TRPC4: variants seen among roughly 807,000 people sequenced by gnomAD.
The protein encoded by TRPC4 is short transient receptor potential channel 4.
Under a neutral mutation model 99.4 loss-of-function variants are expected in TRPC4, and 49 were observed. The observed-to-expected ratio is 0.49, with a 90% confidence interval of 0.39 to 0.63. The LOEUF (loss-of-function observed/expected upper bound fraction) is 0.63, where lower values mean the gene tolerates loss of function less well. Among genes scored for constraint, TRPC4 ranks in the 20% least tolerant of loss-of-function variants. TRPC4 has a pLI of 0.00. For missense variants in TRPC4, 898 were observed against 1,152.9 expected, an observed-to-expected ratio of 0.78 and a Z score of 3.20; for synonymous variants, 454 against 425.9, an observed-to-expected ratio of 1.07 and a Z score of -0.81.
chr13:37,819,829 T>TA (rs200418516), intron 1 of TRPC4, among the ~76,000 whole-genome samples: 4,640 of 133,700 alleles, frequency 0.035, 114 homozygotes, highest in East Asian at 0.11. Flanking sequence ...AAATGAAAGT[T>TA]AAAAAAAAAA....
At chr13:37,860,173 A>G (rs1026346590) in intron 1 of TRPC4, among the ~76,000 whole-genome samples, 8 of 151,498 alleles carry the variant, frequency 5.3e-5, no homozygotes, top group Non-Finnish European at 8.9e-5. Context: ...AAAATGTTAA[A>G]CTGTTTTTAA....
At chr13:37,816,870 A>G (rs114612194) in intron 1 of TRPC4, among the ~76,000 whole-genome samples, 1,625 of 152,034 alleles carry the variant, frequency 0.011, 21 homozygotes, top group African/African-American at 0.037. Context: ...GAAGGAAAAT[A>G]CCTCGAAATT....
chr13:37,703,121 T>A (rs1954154866), intron 3 of TRPC4, among the ~76,000 whole-genome samples: 1 of 152,176 alleles, frequency 6.6e-6, no homozygotes. Flanking sequence ...GGTAGTTGTA[T>A]GTGCTAGGAC....
At chr13:37,855,973 C>A (rs755063397) in intron 1 of TRPC4, among the ~76,000 whole-genome samples, 1 of 150,772 alleles carries the variant, frequency 6.6e-6, no homozygotes, top group East Asian at 1.9e-4. Flanking sequence ...TCTTACAGAA[C>A]TAGAAAAGCA....
intron 4 of TRPC4, among the ~76,000 whole-genome samples, chr13:37,689,503 C>T (rs765992930): frequency 2.0e-5 from 3 of 152,134 alleles, no homozygotes; most frequent in East Asian, 1.9e-4. Flanking sequence ...ATCATTTGCA[C>T]GCATTTTTTA....
At chr13:37,727,477 A>G (rs1255985890) in intron 3 of TRPC4, among the ~76,000 whole-genome samples, 2 of 152,032 alleles carry the variant, frequency 1.3e-5, no homozygotes, top group Non-Finnish European at 2.9e-5. Context: ...GAACAGAAAG[A>G]TCTCAAGTTG....
chr13:37,656,212 A>G (rs1045846700), intron 6 of TRPC4, among the ~76,000 whole-genome samples: 9 of 152,180 alleles, frequency 5.9e-5, no homozygotes, highest in African/African-American at 1.9e-4. Context: ...GTTTGTTTCA[A>G]AGGGACCATA....
intron 5 of TRPC4, among the ~76,000 whole-genome samples, chr13:37,664,196 T>C (rs1952554763): frequency 6.6e-6 from 1 of 152,160 alleles, no homozygotes; most frequent in African/African-American, 2.4e-5. Flanking sequence ...AAATGTCAGA[T>C]TTGAATTATC....
chr13:37,787,909 T>G (rs532787839), intron 1 of TRPC4, among the ~76,000 whole-genome samples: 1 of 152,200 alleles, frequency 6.6e-6, no homozygotes, highest in East Asian at 1.9e-4. Flanking sequence ...CCTTTTAATT[T>G]TATTTTCTCA....
At chr13:37,764,555 T>C (rs1352979855) in intron 2 of TRPC4, among the ~76,000 whole-genome samples, 1 of 151,342 alleles carries the variant, frequency 6.6e-6, no homozygotes, top group Non-Finnish European at 1.5e-5. Flanking sequence ...ATCTTTTTTG[T>C]TTGTTTGGTT....
chr13:37,649,432 G>C (rs988129606), intron 8 of TRPC4, among the ~76,000 whole-genome samples: 4 of 151,950 alleles, frequency 2.6e-5, no homozygotes, highest in Non-Finnish European at 5.9e-5. Context: ...TGCAGTAATT[G>C]CTTATTAAAT....
intron 2 of TRPC4, among the ~76,000 whole-genome samples, chr13:37,746,746 C>A (rs1298980296): frequency 1.3e-5 from 2 of 151,864 alleles, no homozygotes; most frequent in African/African-American, 4.8e-5. Context: ...GTCTTTATTT[C>A]TTTTAAATAA....
At chr13:37,741,469 T>C (rs1230211581) in intron 3 of TRPC4, among the ~76,000 whole-genome samples, 1 of 152,216 alleles carries the variant, frequency 6.6e-6, no homozygotes, top group Non-Finnish European at 1.5e-5. Flanking sequence ...TTTGTTATTA[T>C]TCATTTAGAT....
intron 1 of TRPC4, among the ~76,000 whole-genome samples, chr13:37,806,485 CA>C (rs1240211919): frequency 6.6e-6 from 1 of 151,996 alleles, no homozygotes; most frequent in African/African-American, 2.4e-5. Context: ...TACTATTTCC[CA>C]AGGACCTTTT....
At chr13:37,669,282 A>C (rs2138729603) in intron 5 of TRPC4, among the ~76,000 whole-genome samples, 1 of 152,304 alleles carries the variant, frequency 6.6e-6, no homozygotes, top group African/African-American at 2.4e-5. Context: ...CATACAGAAA[A>C]GGGGCTGGAT....
chr13:37,837,809 G>A (rs1483654876), intron 1 of TRPC4, among the ~76,000 whole-genome samples: 3 of 152,162 alleles, frequency 2.0e-5, no homozygotes, highest in African/African-American at 4.8e-5. Flanking sequence ...GGACGAGCCA[G>A]GGGTGGCATG....
chr13:37,841,038 G>T (rs1460810503), intron 1 of TRPC4, among the ~76,000 whole-genome samples: 2 of 151,846 alleles, frequency 1.3e-5, no homozygotes, highest in African/African-American at 4.8e-5. Flanking sequence ...TATATTATTG[G>T]TTAAAACTGA....
chr13:37,744,929 T>C (rs188650904), intron 3 of TRPC4, among the ~76,000 whole-genome samples: 4 of 152,250 alleles, frequency 2.6e-5, no homozygotes, highest in Admixed American at 6.5e-5. Context: ...TTTTAATATA[T>C]GGAAATTTTA....
chr13:37,747,189 G>A (rs956050247), intron 2 of TRPC4, among the ~76,000 whole-genome samples: 2 of 152,098 alleles, frequency 1.3e-5, no homozygotes, highest in Non-Finnish European at 2.9e-5. Context: ...TATACTCTAG[G>A]GATGGTAATG....
Sources: allele counts gnomAD v4.1 joint callset (sites outside exome capture counted in the v4.1 genomes callset), GRCh38; gene constraint gnomAD v4.1.1; transcripts MANE v1.5; gene names NCBI Gene and HGNC (gene_info 2026-07-23, HGNC 2026-07-21).